Variants in ZNF385D observed in about 807,000 individuals in gnomAD.
ZNF385D encodes zinc finger protein 385D.
In ZNF385D, 15 loss-of-function variants were observed where a neutral mutation model predicts 35.8. The ratio of observed to expected loss-of-function variants is 0.42; its 90% confidence interval spans 0.28 to 0.64. ZNF385D has a LOEUF of 0.64. Ranked by LOEUF, ZNF385D falls within the 30% of genes least tolerant of loss-of-function variation. The probability of loss-of-function intolerance (pLI) is 0.23; values close to 1 mark genes in which losing one functional copy is unlikely to be tolerated. For missense variants in ZNF385D, 474 were observed against 494.6 expected (o/e 0.96, Z 0.39); for synonymous variants, 212 against 186.8 (o/e 1.13, Z -1.10).
At chr3:22,233,831 C>T (rs1483080088) in intron 2 of ZNF385D, among the ~76,000 whole-genome samples, 1 of 152,062 alleles carries the variant, frequency 6.6e-6, no homozygotes, top group Non-Finnish European at 1.5e-5. Context: ...TACTCATATT[C>T]TGGTATTAAG....
At chr3:21,540,016 G>C (rs1559384546) in intron 3 of ZNF385D, among the ~76,000 whole-genome samples, 1 of 152,084 alleles carries the variant, frequency 6.6e-6, no homozygotes, top group Non-Finnish European at 1.5e-5. Flanking sequence ...TAACTTAAGA[G>C]ACCATTAAAA....
chr3:22,153,539 C>T (rs906049911), intron 3 of ZNF385D, among the ~76,000 whole-genome samples: 3 of 148,540 alleles, frequency 2.0e-5, no homozygotes, highest in African/African-American at 7.5e-5. Context: ...TCTCGGATCA[C>T]TGCAAACTCC....
chr3:21,915,996 G>T (rs1700177636), intron 3 of ZNF385D, among the ~76,000 whole-genome samples: 2 of 152,132 alleles, frequency 1.3e-5, no homozygotes, highest in Admixed American at 1.3e-4. Context: ...AGCAGAAAAG[G>T]TGACTAATAA....
intron 2 of ZNF385D, among the ~76,000 whole-genome samples, chr3:22,285,424 T>G (rs1057161911): frequency 3.3e-5 from 5 of 152,158 alleles, no homozygotes; most frequent in African/African-American, 9.7e-5. Flanking sequence ...CATTTGAAAG[T>G]TTTGGGTTTG....
intron 2 of ZNF385D, among the ~76,000 whole-genome samples, chr3:21,583,946 TTTTACTTA>T (rs1176743949): frequency 2.5e-4 from 34 of 137,216 alleles, no homozygotes; most frequent in Middle Eastern, 3.9e-3. Flanking sequence ...CATGTATTTA[TTTTACTTA>T]TTTACTTATT....
At chr3:21,845,547 A>G (rs1183860441) in intron 3 of ZNF385D, among the ~76,000 whole-genome samples, 1 of 151,978 alleles carries the variant, frequency 6.6e-6, no homozygotes, top group African/African-American at 2.4e-5. Flanking sequence ...AACTGAACAA[A>G]CCACACCAGT....
intron 2 of ZNF385D, among the ~76,000 whole-genome samples, chr3:22,283,638 G>T (rs950185530): frequency 6.6e-6 from 1 of 152,108 alleles, no homozygotes; most frequent in African/African-American, 2.4e-5. Flanking sequence ...ATGCTGTTCT[G>T]TGCCTCAATT....
At chr3:21,499,227 C>G (rs1334116736) in intron 4 of ZNF385D, among the ~76,000 whole-genome samples, 1 of 152,030 alleles carries the variant, frequency 6.6e-6, no homozygotes, top group Non-Finnish European at 1.5e-5. Context: ...ATGGAATCAA[C>G]CTAATGCCCA....
chr3:22,362,453 C>G (rs951331457), intron 2 of ZNF385D, among the ~76,000 whole-genome samples: 1 of 152,078 alleles, frequency 6.6e-6, no homozygotes, highest in Non-Finnish European at 1.5e-5. Flanking sequence ...AGGTCAAACT[C>G]TTCTTTATGA....
At chr3:21,677,935 T>C (rs563403555) in intron 1 of ZNF385D, among the ~76,000 whole-genome samples, 1 of 152,166 alleles carries the variant, frequency 6.6e-6, no homozygotes, top group South Asian at 2.1e-4. Context: ...ATTATCTGTA[T>C]TGTCCCCATA....
intron 3 of ZNF385D, among the ~76,000 whole-genome samples, chr3:21,828,813 G>A (rs1336249735): frequency 6.6e-6 from 1 of 152,188 alleles, no homozygotes. Flanking sequence ...GTAGGCTTTA[G>A]CGGACAATTA....
At chr3:22,129,363 C>A (rs1364548492) in intron 3 of ZNF385D, among the ~76,000 whole-genome samples, 1 of 152,164 alleles carries the variant, frequency 6.6e-6, no homozygotes, top group Non-Finnish European at 1.5e-5. Flanking sequence ...GGCCCAAGGC[C>A]TCTGTCAGCG....
chr3:22,053,075 A>T, intron 3 of ZNF385D, among the ~76,000 whole-genome samples: 1 of 78,652 alleles, frequency 1.3e-5, no homozygotes, highest in African/African-American at 4.8e-5. Flanking sequence ...AGCCTGGGCA[A>T]TGGCGGGCGC....
intron 3 of ZNF385D, among the ~76,000 whole-genome samples, chr3:21,562,635 CA>C (rs1311966808): frequency 6.6e-6 from 1 of 152,142 alleles, no homozygotes; most frequent in African/African-American, 2.4e-5. Context: ...AAGAAGCTGA[CA>C]ACATGGCTCC....
chr3:22,365,010 T>C (rs1228197883), intron 2 of ZNF385D, among the ~76,000 whole-genome samples: 2 of 152,106 alleles, frequency 1.3e-5, no homozygotes, highest in Non-Finnish European at 2.9e-5. Flanking sequence ...TACTGTATGA[T>C]TCCACTTACA....
At chr3:21,719,398 G>T (rs945363058) in intron 1 of ZNF385D, among the ~76,000 whole-genome samples, 2 of 152,222 alleles carry the variant, frequency 1.3e-5, no homozygotes, top group African/African-American at 4.8e-5. Flanking sequence ...GGTGACTGTA[G>T]AGCCAACACA....
intron 3 of ZNF385D, among the ~76,000 whole-genome samples, chr3:21,810,682 G>C (rs2072878262): frequency 6.6e-6 from 1 of 151,880 alleles, no homozygotes. Flanking sequence ...AATGTACCTT[G>C]TTTTAAAGTT....
intron 4 of ZNF385D, among the ~76,000 whole-genome samples, chr3:21,494,879 T>TA (rs1705707048): frequency 6.6e-6 from 1 of 152,188 alleles, no homozygotes. Context: ...CCCTTGACAT[T>TA]AAGTTTAACA....
intron 2 of ZNF385D, among the ~76,000 whole-genome samples, chr3:22,182,433 A>G (rs1695341604): frequency 6.6e-6 from 1 of 152,158 alleles, no homozygotes; most frequent in African/African-American, 2.4e-5. Flanking sequence ...CACCTGATGC[A>G]CATCCATGAC....
Sources: allele counts gnomAD v4.1 joint callset (sites outside exome capture counted in the v4.1 genomes callset), GRCh38; gene constraint gnomAD v4.1.1; transcripts MANE v1.5; gene names NCBI Gene and HGNC (gene_info 2026-07-23, HGNC 2026-07-21).